The following PDGFD variants were observed in gnomAD, a reference collection of about 807,000 sequenced individuals.
PDGFD encodes platelet derived growth factor D, also known as platelet-derived growth factor D.
Under a neutral mutation model 44.7 loss-of-function variants are expected in PDGFD, and 30 were observed. The ratio of observed to expected loss-of-function variants is 0.67; its 90% CI spans 0.50 to 0.91. The LOEUF is 0.91. Ranked by LOEUF, PDGFD falls within the 40% of genes least tolerant of loss-of-function variation. PDGFD has a pLI of 0.00. For missense variants in PDGFD, 445 were observed against 457.8 expected, an observed-to-expected ratio of 0.97 and a Z score of 0.25; for synonymous variants, 173 against 168.4, an observed-to-expected ratio of 1.03 and a Z score of -0.21.
intron 6 of PDGFD, among the ~76,000 whole-genome samples, chr11:103,922,833 G>T (rs1023541144): frequency 1.3e-5 from 2 of 151,866 alleles, no homozygotes; most frequent in African/African-American, 4.8e-5. Context: ...TCCCACCTTG[G>T]CCTCTCAAAG....
At chr11:103,961,602 G>A (rs1044113800) in intron 3 of PDGFD, among the ~76,000 whole-genome samples, 2 of 152,076 alleles carry the variant, frequency 1.3e-5, no homozygotes, top group South Asian at 4.1e-4. Context: ...GAAGGTACAA[G>A]ACAAATCAGA....
rs1182363571 is a variant in PDGFD, at chr11:104,045,616, A to T, written c.125-45361T>A. On this transcript the variant is annotated intron_variant, in intron 1 of 6. Transcript: ENST00000393158. ...AACATTTTACCATTTTTATACTAAT[A>T]GGTAAGGATAGTGATAGACTGAATT... Among the ~76,000 whole-genome samples the T allele has an allele frequency of 2.0e-5, 3 of 151,660 alleles. No individual in the cohort carries two copies. The East Asian group carries it at 5.8e-4, about 29-fold the overall frequency.
chr11:104,033,908 G>C (rs1169705513), intron 1 of PDGFD, among the ~76,000 whole-genome samples: 2 of 151,970 alleles, frequency 1.3e-5, no homozygotes, highest in African/African-American at 2.4e-5. Flanking sequence ...TGAGTCAAAG[G>C]GTCATTCATT....
intron 6 of PDGFD, among the ~76,000 whole-genome samples, chr11:103,925,600 G>C (rs1187766758): frequency 6.7e-6 from 1 of 149,516 alleles, no homozygotes; most frequent in East Asian, 2.0e-4. Flanking sequence ...AGTAATTAGA[G>C]CTGCTGCCTA....
chr11:104,049,020 C>CTTG (rs1860485649), intron 1 of PDGFD, among the ~76,000 whole-genome samples: 1 of 152,178 alleles, frequency 6.6e-6, no homozygotes, highest in African/African-American at 2.4e-5. Context: ...GAGGTTGTGT[C>CTTG]TTGTCAAGGT....
chr11:103,922,318 C>T (rs1053866606), intron 6 of PDGFD, among the ~76,000 whole-genome samples: 1 of 152,100 alleles, frequency 6.6e-6, no homozygotes, highest in East Asian at 1.9e-4. Context: ...AAATCACTAC[C>T]CAAATTATCT....
At chr11:103,963,522 C>A (rs1282168946) in intron 3 of PDGFD, among the ~76,000 whole-genome samples, 1 of 152,048 alleles carries the variant, frequency 6.6e-6, no homozygotes, top group Admixed American at 6.6e-5. Flanking sequence ...ATCGTTCGTA[C>A]AAAAGTAGTT....
At chr11:103,957,994 A>T (rs1427240208) in intron 3 of PDGFD, among the ~76,000 whole-genome samples, 1 of 152,132 alleles carries the variant, frequency 6.6e-6, no homozygotes, top group East Asian at 1.9e-4. Flanking sequence ...GTATTTCTAC[A>T]ATCTGTTGCC....
chr11:104,007,885 T>C (rs1859728838), intron 1 of PDGFD, among the ~76,000 whole-genome samples: 1 of 152,230 alleles, frequency 6.6e-6, no homozygotes, highest in Non-Finnish European at 1.5e-5. Context: ...AACACCCATT[T>C]TGCAAGTCCA....
chr11:103,920,414 G>T (rs1432173209), intron 6 of PDGFD, among the ~76,000 whole-genome samples: 1 of 152,210 alleles, frequency 6.6e-6, no homozygotes, highest in African/African-American at 2.4e-5. Context: ...ATAATGGAAA[G>T]CCTGGGTGGG....
chr11:103,988,261 T>C (rs928455332), intron 3 of PDGFD, among the ~76,000 whole-genome samples: 6 of 152,044 alleles, frequency 3.9e-5, no homozygotes, highest in African/African-American at 1.4e-4. Flanking sequence ...CACATTTATC[T>C]AAAAATCACT....
At chr11:104,100,940 T>C (rs774409079) in intron 1 of PDGFD, among the ~76,000 whole-genome samples, 3 of 152,166 alleles carry the variant, frequency 2.0e-5, no homozygotes, top group Non-Finnish European at 4.4e-5. Flanking sequence ...TAGGTATCGA[T>C]GGGATGTATC....
chr11:104,019,808 T>A (rs1004682358), intron 1 of PDGFD, among the ~76,000 whole-genome samples: 4 of 151,048 alleles, frequency 2.6e-5, no homozygotes, highest in African/African-American at 9.8e-5. Context: ...AGGGCTGACA[T>A]AAATGAACTT....
intron 1 of PDGFD, among the ~76,000 whole-genome samples, chr11:104,079,785 C>A (rs1037707536): frequency 8.1e-6 from 1 of 123,724 alleles, no homozygotes; most frequent in African/African-American, 4.0e-5. Flanking sequence ...AAAAATTAAT[C>A]TTTGCATAGA....
At chr11:103,913,414 C>A (rs539990482) in intron 6 of PDGFD, among the ~76,000 whole-genome samples, 34 of 152,156 alleles carry the variant, frequency 2.2e-4, no homozygotes, top group African/African-American at 7.5e-4. Context: ...GGGTAAATAA[C>A]AAAATGAAGG....
intron 1 of PDGFD, among the ~76,000 whole-genome samples, chr11:104,009,484 T>C (rs1859752043): frequency 6.6e-6 from 1 of 151,654 alleles, no homozygotes; most frequent in East Asian, 1.9e-4. Context: ...TCAAGTAATT[T>C]CTGCACTCTT....
chr11:103,962,395 T>C (rs1276003858), intron 3 of PDGFD, among the ~76,000 whole-genome samples: 1 of 152,108 alleles, frequency 6.6e-6, no homozygotes, highest in Admixed American at 6.6e-5. Flanking sequence ...TCAGCAGGAA[T>C]TGATTTGGAG....
intron 1 of PDGFD, among the ~76,000 whole-genome samples, chr11:104,144,097 T>G (rs1862125525): frequency 6.6e-6 from 1 of 152,152 alleles, no homozygotes; most frequent in Non-Finnish European, 1.5e-5. Context: ...GATCTACAAC[T>G]GTGACTTGAA....
intron 1 of PDGFD, among the ~76,000 whole-genome samples, chr11:104,035,229 A>C (rs1394365642): frequency 2.6e-5 from 4 of 152,142 alleles, no homozygotes; most frequent in African/African-American, 7.2e-5. Context: ...GCAATGGCCC[A>C]TCTACCCTAT....
Sources: allele counts gnomAD v4.1 joint callset (sites outside exome capture counted in the v4.1 genomes callset), GRCh38; gene constraint gnomAD v4.1.1; transcripts MANE v1.5; gene names NCBI Gene and HGNC (gene_info 2026-07-23, HGNC 2026-07-21).